TMTC2: variants seen among roughly 807,000 people sequenced by gnomAD.
TMTC2 encodes the protein transmembrane O-mannosyltransferase targeting cadherins 2.
In TMTC2, 43 loss-of-function variants were observed where a neutral mutation model predicts 82.4. The observed-to-expected ratio is 0.52, with a 90% CI of 0.41 to 0.67. TMTC2 has a LOEUF of 0.67. TMTC2 is among the 30% of genes least tolerant of loss of function. The pLI is 0.00. For missense variants in TMTC2, 919 were observed against 1,012.4 expected, an observed-to-expected ratio of 0.91 and a Z score of 1.25; for synonymous variants, 408 against 381.9, an observed-to-expected ratio of 1.07 and a Z score of -0.80.
chr12:82,865,185 C>G (rs1430900335), intron 2 of TMTC2, among the ~76,000 whole-genome samples: 1 of 152,002 alleles, frequency 6.6e-6, no homozygotes, highest in Non-Finnish European at 1.5e-5. Context: ...GAGATCGCGT[C>G]GCTGCACTCC....
chr12:82,812,015 G>A (rs1036041807), intron 1 of TMTC2, among the ~76,000 whole-genome samples: 3 of 151,460 alleles, frequency 2.0e-5, no homozygotes, highest in African/African-American at 4.8e-5. Flanking sequence ...ACATGGTTTC[G>A]CCATGTTGGC....
intron 9 of TMTC2, among the ~76,000 whole-genome samples, chr12:83,038,403 T>G (rs1881755855): frequency 6.6e-6 from 1 of 152,154 alleles, no homozygotes; most frequent in South Asian, 2.1e-4. Context: ...TAACACATAT[T>G]CTCAATAATT....
rs543992859 is a variant in TMTC2 at position 82,907,322 on chromosome 12, G to A, written c.1483+10676G>A. 3.6e-4 allele frequency among the ~76,000 whole-genome samples: 54 copies of A among 151,970 alleles called. 1 individual carries two copies. The South Asian group carries it at 7.5e-3, about 21-fold the overall frequency. On this transcript the variant is annotated intron_variant, in intron 3 of 11. Coordinates refer to ENST00000321196, the MANE Select transcript of TMTC2 (RefSeq NM_152588.3). The stretch of plus-strand genomic sequence containing the variant: ...ACTAAAAATACAAAAAATTAGCTGG[G>A]CGTGGTGGTGCGCGCCTATAGTCCC...
chr12:82,810,299 G>T (rs1463722550), intron 1 of TMTC2, among the ~76,000 whole-genome samples: 1 of 151,292 alleles, frequency 6.6e-6, no homozygotes, highest in Non-Finnish European at 1.5e-5. Context: ...TAGTGGATGA[G>T]ATTTTAATTT....
At chr12:83,008,248 A>G (rs1475264563) in intron 8 of TMTC2, among the ~76,000 whole-genome samples, 1 of 152,170 alleles carries the variant, frequency 6.6e-6, no homozygotes, top group Non-Finnish European at 1.5e-5. Context: ...TCTTTCATTA[A>G]TTTGGGAACG....
At chr12:82,846,932 T>C (rs997262457) in intron 1 of TMTC2, among the ~76,000 whole-genome samples, 1 of 152,102 alleles carries the variant, frequency 6.6e-6, no homozygotes, top group Admixed American at 6.5e-5. Flanking sequence ...TAAACGCTTG[T>C]CCAAAGCGTA....
At position 82,966,940 on chromosome 12, in the gene TMTC2, G is replaced by C. The variant is rs200968302; in HGVS notation, c.1891G>C (p.Glu631Gln). The C allele has an allele frequency of 3.7e-6, 6 of 1,612,860 alleles. No homozygotes were observed. Among genetic ancestry groups the C allele is most frequent in the Non-Finnish European group, 5.1e-6 (6 of 1,179,266 alleles). Residue 631 changes from glutamate to glutamine, a missense_variant, in exon 7 of 12, where the codon GAA becomes CAA. By Grantham distance (29) the Glu-to-Gln change is conservative (BLOSUM62 2). Transcript: ENST00000321196. ...HYEEALSVYK[E>Q]AIQKMPRQFA... ...TTAGGAAGCCCTTAGTGTATACAAG[G>C]AAGCAATTCAGAAAATGCCAAGGCA...
rs148107826 is a variant in TMTC2 at position 82,854,613 on chromosome 12, C to T, written c.84-2397C>T. Among the ~76,000 whole-genome samples, 45 of 152,244 alleles carry T rather than the reference C, an allele frequency of 3.0e-4. 3 individuals are homozygous for T. The highest frequency in any genetic ancestry group is 1.1e-3 in the African/African-American group (45 of 41,550). On this transcript the variant is annotated intron_variant, in intron 1 of 11. Transcript: ENST00000321196. ...AAATAAATTTTTTTCTAAATGACCA[C>T]ATGCCCAACTAAAAATTAAAGTTCA... is the stretch of plus-strand genomic sequence containing the variant.
chr12:82,719,998 T>G (rs557276885), intron 1 of TMTC2, among the ~76,000 whole-genome samples: 6 of 152,112 alleles, frequency 3.9e-5, no homozygotes, highest in Non-Finnish European at 8.8e-5. Context: ...AATTATTCAT[T>G]TAACTGATCT....
At chr12:82,961,729 T>C in intron 4 of TMTC2, among the ~76,000 whole-genome samples, 1 of 152,030 alleles carries the variant, frequency 6.6e-6, no homozygotes, top group East Asian at 1.9e-4. Flanking sequence ...TCCTTATCCA[T>C]TCCTGGGCTG....
intron 7 of TMTC2, among the ~76,000 whole-genome samples, chr12:82,982,008 T>C (rs78394161): frequency 5.8e-5 from 8 of 136,886 alleles, no homozygotes; most frequent in African/African-American, 2.3e-4. Flanking sequence ...TGACATTTGC[T>C]TTTTTTTTTT....
At chr12:83,037,925 G>C (rs1207916748) in intron 9 of TMTC2, among the ~76,000 whole-genome samples, 3 of 152,036 alleles carry the variant, frequency 2.0e-5, no homozygotes, top group Non-Finnish European at 4.4e-5. Flanking sequence ...TGAGAGATGA[G>C]AAACTATACA....
intron 8 of TMTC2, among the ~76,000 whole-genome samples, chr12:83,024,666 T>A (rs956846282): frequency 1.3e-5 from 2 of 152,182 alleles, no homozygotes; most frequent in Middle Eastern, 3.2e-3. Flanking sequence ...TTTGTTCTAG[T>A]TGATATTCCT....
rs537217134 is a variant in TMTC2 at position 82,848,966 on chromosome 12, G to A, written c.84-8044G>A. Reference sequence around the variant, plus strand: ...GAGGGGGAAAAGAAATGGTTTGAGCGGCAGCATAGAGGAAGGGAAGTTTGG... The same window carrying A: ...GAGGGGGAAAAGAAATGGTTTGAGCAGCAGCATAGAGGAAGGGAAGTTTGG... On this transcript the variant is annotated intron_variant, in intron 1 of 11. Transcript: ENST00000321196. 6.6e-5 allele frequency among the ~76,000 whole-genome samples: 10 copies of A among 152,222 alleles called. 1 individual carries two copies. Among genetic ancestry groups the A allele is most frequent in the African/African-American group, 1.4e-4 (6 of 41,500 alleles).
intron 11 of TMTC2, among the ~76,000 whole-genome samples, chr12:83,096,626 A>G (rs2137527556): frequency 6.6e-6 from 1 of 152,320 alleles, no homozygotes. Flanking sequence ...TTATAAAACC[A>G]TCAGATCTCA....
intron 1 of TMTC2, among the ~76,000 whole-genome samples, chr12:82,774,827 GCTCT>G (rs1407938726): frequency 6.6e-6 from 1 of 151,692 alleles, no homozygotes; most frequent in Admixed American, 6.6e-5. Context: ...TATTACTTCT[GCTCT>G]CTCTCGTTTG....
chr12:82,746,881 G>A (rs116257584), intron 1 of TMTC2, among the ~76,000 whole-genome samples: 2,283 of 152,330 alleles, frequency 0.015, 58 homozygotes, highest in African/African-American at 0.05. Context: ...GCTGACAGTG[G>A]CTCCTGGATG....
intron 10 of TMTC2, among the ~76,000 whole-genome samples, chr12:83,052,883 A>G (rs1882405351): frequency 1.3e-5 from 2 of 152,160 alleles, no homozygotes; most frequent in Admixed American, 1.3e-4. Context: ...TGCATCCATC[A>G]TTAAGTTGCA....
At chr12:82,859,569 T>C (rs1439825971) in intron 2 of TMTC2, among the ~76,000 whole-genome samples, 1 of 152,238 alleles carries the variant, frequency 6.6e-6, no homozygotes, top group Non-Finnish European at 1.5e-5. Flanking sequence ...GACATACTTA[T>C]AATAGAAAAT....
Sources: allele counts gnomAD v4.1 joint callset (sites outside exome capture counted in the v4.1 genomes callset), GRCh38; gene constraint gnomAD v4.1.1; transcripts MANE v1.5; gene names NCBI Gene and HGNC (gene_info 2026-07-23, HGNC 2026-07-21).